HIVEP3: variants seen among roughly 807,000 people sequenced by gnomAD.
HIVEP3 encodes the protein transcription factor HIVEP3.
HIVEP3 carries 49 observed loss-of-function variants against 152.8 expected under a neutral mutation model. The observed-to-expected ratio is 0.32, with a 90% confidence interval of 0.26 to 0.41. The LOEUF is 0.41. Ranked by LOEUF, HIVEP3 falls within the 10% of genes least tolerant of loss-of-function variation. The pLI is 1.00. For synonymous variants in HIVEP3, 1,269 were observed against 1,289.0 expected, an observed-to-expected ratio of 0.98 and a Z score of 0.33; for missense variants, 2,790 against 3,103.3, an observed-to-expected ratio of 0.90 and a Z score of 2.40.
intron 1 of HIVEP3, among the ~76,000 whole-genome samples, 165 bp from the exon 2 acceptor site, chr1:41,701,160 C>G (rs1222903830): frequency 6.6e-6 from 1 of 152,196 alleles, no homozygotes; most frequent in East Asian, 1.9e-4. Flanking sequence ...AGATCAGGTC[C>G]CTGCGGATGA....
Position 41,582,162 on chromosome 1 carries a change from T to A in HIVEP3, c.2636A>T (p.Glu879Val), listed in dbSNP as rs1425323428. ...GGGCCATTGGAACTCCTCAGTCTTC[T>A]CAGGTTCCTTAGGGGGCGGCTCTGG... ...TEPEPPPKEP[E>V]KTEEFQWPQR... Residue 879 changes from glutamate (E) to valine (V), a missense_variant, in exon 4 of 9, where the codon GAG becomes GTG. By Grantham distance (121) the Glu-to-Val change is moderately radical (BLOSUM62 -2). Around this residue, in one of 9 missense-constraint regions of HIVEP3, gnomAD observed 1,078 missense variants for 1,165.3 expected, o/e 0.93. Coordinates refer to ENST00000372583, the MANE Select transcript of HIVEP3 (RefSeq NM_024503.5). The surrounding 1 kb of genome is among the most constrained non-coding windows in gnomAD (Gnocchi z 4.7). The A allele has an allele frequency of 6.2e-7, 1 of 1,614,026 alleles. No homozygotes were observed. Among genetic ancestry groups the A allele is most frequent in the Non-Finnish European group, 8.5e-7 (1 of 1,179,946 alleles).
chr1:41,860,620 T>C (rs752362613), intron 1 of HIVEP3, among the ~76,000 whole-genome samples: 4 of 152,246 alleles, frequency 2.6e-5, no homozygotes, highest in Non-Finnish European at 5.9e-5. Context: ...GATCTGAATG[T>C]ATCTGACGCC....
At chr1:41,842,976 T>C (rs1643332772) in intron 1 of HIVEP3, among the ~76,000 whole-genome samples, 1 of 152,166 alleles carries the variant, frequency 6.6e-6, no homozygotes, top group Non-Finnish European at 1.5e-5. Flanking sequence ...TTGTTTCAAA[T>C]AAAGGCTTTT....
At chr1:41,670,152 G>A (rs1437133321) in intron 2 of HIVEP3, among the ~76,000 whole-genome samples, 1 of 152,190 alleles carries the variant, frequency 6.6e-6, no homozygotes, top group Non-Finnish European at 1.5e-5. Context: ...TTGACTGAAC[G>A]AATGCATACC....
intron 1 of HIVEP3, among the ~76,000 whole-genome samples, chr1:41,742,485 G>A (rs569030375): frequency 1.3e-4 from 20 of 152,220 alleles, no homozygotes; most frequent in Non-Finnish European, 2.4e-4. Context: ...TGGCTTGCTC[G>A]ACATTGCCTT....
chr1:41,664,757 C>G lies in HIVEP3; in HGVS notation c.-720-35810G>C, dbSNP rs942240169. On this transcript the variant is annotated intron_variant, in intron 2 of 8. Coordinates refer to ENST00000372583, the MANE Select transcript of HIVEP3 (RefSeq NM_024503.5). The surrounding 1 kb of genome is among the most constrained non-coding windows in gnomAD (Gnocchi z 4.4). ...CTGGGATGAAAGGCGGGGTTCTCAG[C>G]TAGACTGGCTTGAATGCTCAGGAGA... 6.6e-6 allele frequency among the ~76,000 whole-genome samples: 1 copy of G among 152,124 alleles called. No homozygotes were observed. Among genetic ancestry groups the G allele is most frequent in the Non-Finnish European group, 1.5e-5 (1 of 68,034 alleles).
intron 1 of HIVEP3, among the ~76,000 whole-genome samples, chr1:42,022,726 G>A (rs996761013): frequency 6.6e-6 from 1 of 152,190 alleles, no homozygotes; most frequent in Non-Finnish European, 1.5e-5. Flanking sequence ...GGAATGAACA[G>A]CAACAGAAGA....
chr1:41,731,342 G>A (rs1646836600), intron 1 of HIVEP3, among the ~76,000 whole-genome samples: 1 of 152,114 alleles, frequency 6.6e-6, no homozygotes, highest in African/African-American at 2.4e-5. Context: ...GCCCCAGTAA[G>A]CCCCCGTGAA....
At chr1:41,809,923 C>G (rs987382436) in intron 1 of HIVEP3, among the ~76,000 whole-genome samples, 5 of 152,182 alleles carry the variant, frequency 3.3e-5, no homozygotes, top group African/African-American at 1.2e-4. Flanking sequence ...TTTTCAATGT[C>G]TCATTCCAGG....
chr1:41,633,883 G>C (rs2149152403), intron 2 of HIVEP3, among the ~76,000 whole-genome samples: 1 of 152,300 alleles, frequency 6.6e-6, no homozygotes, highest in Non-Finnish European at 1.5e-5. Flanking sequence ...AATAAACTCA[G>C]CTTTGCCTTA....
rs759094670 is a variant in HIVEP3, at chr1:41,580,372, C to T, written c.4426G>A (p.Glu1476Lys). Reference protein sequence around the residue: ...KPCSVVLTSTEDGKRPEKSHL... With the variant: ...KPCSVVLTSTKDGKRPEKSHL... Reference sequence around the variant, plus strand: ...GATTTCTCTGGCCTCTTCCCATCCTCGGTGCTGGTAAGGACCACACTGCAT... The same window carrying T: ...GATTTCTCTGGCCTCTTCCCATCCTTGGTGCTGGTAAGGACCACACTGCAT... Residue 1476 changes from glutamate (E) to lysine (K), a missense_variant, in exon 4 of 9, where the codon GAG becomes AAG. Glu to Lys is a moderately conservative substitution (Grantham distance 56). Around this residue, in one of 9 missense-constraint regions of HIVEP3, gnomAD observed 1,078 missense variants for 1,165.3 expected, o/e 0.93. Coordinates refer to ENST00000372583, the MANE Select transcript of HIVEP3 (RefSeq NM_024503.5). The T allele has an allele frequency of 1.4e-5, 23 of 1,614,078 alleles. No individual in the cohort carries two copies. The highest frequency in any genetic ancestry group is 8.3e-5 in the Admixed American group (5 of 60,014).
intron 1 of HIVEP3, among the ~76,000 whole-genome samples, chr1:41,985,905 A>T (rs1191249480): frequency 1.3e-5 from 2 of 152,196 alleles, no homozygotes; most frequent in African/African-American, 4.8e-5. Context: ...GCAAGGCTAA[A>T]CATTAAGTCT....
At chr1:41,842,403 C>T (rs1399120356) in intron 1 of HIVEP3, among the ~76,000 whole-genome samples, 1 of 152,134 alleles carries the variant, frequency 6.6e-6, no homozygotes, top group Non-Finnish European at 1.5e-5. Context: ...CAACTCACTC[C>T]CCACTGTCCC....
At chr1:41,528,348 C>T (rs1006665482) in intron 5 of HIVEP3, among the ~76,000 whole-genome samples, 1 of 142,242 alleles carries the variant, frequency 7.0e-6, no homozygotes, top group African/African-American at 2.6e-5. Flanking sequence ...CTCGCCCTCA[C>T]ACTCCACACC....
intron 1 of HIVEP3, among the ~76,000 whole-genome samples, chr1:41,924,818 C>T (rs1004244275): frequency 2.0e-5 from 3 of 152,152 alleles, no homozygotes; most frequent in East Asian, 1.9e-4. Flanking sequence ...TGGGTACATA[C>T]AAAACAAGGG....
At chr1:41,808,183 C>T (rs1419851209) in intron 1 of HIVEP3, among the ~76,000 whole-genome samples, 1 of 152,212 alleles carries the variant, frequency 6.6e-6, no homozygotes, top group Non-Finnish European at 1.5e-5. Flanking sequence ...AAGAGGTTGA[C>T]TCACTTGCCC....
rs188312596 is a variant in HIVEP3 at position 41,567,254 on chromosome 1, T to C, written c.5207+8290A>G. ...GCCTCCATAGTCATCAGAAGTCCTA[T>C]AGCTCCTCTTTCCATCTTCACTGCC... On this transcript the variant is annotated intron_variant, in intron 5 of 8. Transcript: ENST00000372583. Among the ~76,000 whole-genome samples, 44 of 152,336 alleles carry C rather than the reference T, an allele frequency of 2.9e-4. No individual in the cohort carries two copies. The East Asian group carries it at 8.3e-3, about 29-fold the overall frequency.
Position 41,510,613 on chromosome 1 carries a change from G to A in HIVEP3, c.7059C>T (p.Ser2353=). Residue 2353 remains serine, a synonymous_variant, in exon 9 of 9, where the codon AGC becomes AGT. Coordinates refer to ENST00000372583, the MANE Select transcript of HIVEP3 (RefSeq NM_024503.5). ...PSATPPLDRS[S]SVGCLAEASA... The stretch of plus-strand genomic sequence containing the variant: ...AGGCCTCTGCCAGGCAGCCCACAGA[G>A]CTGCTGCGGTCCAGCGGCGGGGTGG... 1 of 1,553,954 alleles carries A rather than the reference G, an allele frequency of 6.4e-7. No individual in the cohort carries two copies. Among genetic ancestry groups the A allele is most frequent in the South Asian group, 1.2e-5 (1 of 84,538 alleles).
intron 1 of HIVEP3, among the ~76,000 whole-genome samples, chr1:41,876,424 T>C (rs534788245): frequency 1.3e-5 from 2 of 152,274 alleles, no homozygotes; most frequent in East Asian, 3.9e-4. Context: ...GTGCCTTAGT[T>C]TCCTCATCTG....
Sources: allele counts gnomAD v4.1 joint callset (sites outside exome capture counted in the v4.1 genomes callset), GRCh38; gene constraint gnomAD v4.1.1; regional missense constraint gnomAD v4.1.1; non-coding constraint Gnocchi (gnomAD v3.1); transcripts MANE v1.5; gene names NCBI Gene and HGNC (gene_info 2026-07-23, HGNC 2026-07-21).